ADAMTSL1: variants seen among roughly 807,000 people sequenced by gnomAD.
The protein encoded by ADAMTSL1 is ADAMTS-like protein 1.
ADAMTSL1 carries 126 observed loss-of-function variants against 201.8 expected under a neutral mutation model. The ratio of observed to expected loss-of-function variants is 0.62; its 90% CI spans 0.54 to 0.72. The LOEUF (loss-of-function observed/expected upper bound fraction) is 0.72, where lower values mean the gene tolerates loss of function less well. Among genes scored for constraint, ADAMTSL1 ranks in the 30% least tolerant of loss-of-function variants. The pLI, the probability that ADAMTSL1 is intolerant of heterozygous loss-of-function variation, is 0.00. For synonymous variants in ADAMTSL1, 1,121 were observed against 903.4 expected (o/e 1.24, Z -4.32); for missense variants, 2,679 against 2,277.8 (o/e 1.18, Z -3.59).
intron 1 of ADAMTSL1, among the ~76,000 whole-genome samples, chr9:17,992,428 C>A (rs552838918): frequency 6.6e-6 from 1 of 152,226 alleles, no homozygotes; most frequent in South Asian, 2.1e-4. Context: ...TAAAATTTCG[C>A]CAGTGATGGT....
intron 19 of ADAMTSL1, among the ~76,000 whole-genome samples, chr9:18,790,334 TC>T (rs1237465126): frequency 6.6e-6 from 1 of 152,116 alleles, no homozygotes; most frequent in Non-Finnish European, 1.5e-5. Flanking sequence ...TGGGAAGTCT[TC>T]CCCTCCACAA....
intron 21 of ADAMTSL1, among the ~76,000 whole-genome samples, chr9:18,820,677 G>A (rs903504162): frequency 2.6e-5 from 4 of 152,120 alleles, no homozygotes; most frequent in East Asian, 1.9e-4. Context: ...AACTTTTTGC[G>A]TACATGTGCT....
intron 19 of ADAMTSL1, among the ~76,000 whole-genome samples, chr9:18,794,906 T>A (rs1822303996): frequency 2.0e-5 from 3 of 152,154 alleles, no homozygotes; most frequent in African/African-American, 7.2e-5. Flanking sequence ...CCTCCCAAAG[T>A]GCTGGGATTA....
chr9:18,261,127 G>A (rs1831906081), intron 2 of ADAMTSL1, among the ~76,000 whole-genome samples: 1 of 151,356 alleles, frequency 6.6e-6, no homozygotes, highest in African/African-American at 2.4e-5. Flanking sequence ...TGACTAGAAC[G>A]GAAAGTGATA....
At chr9:18,060,527 T>C (rs532577926) in intron 1 of ADAMTSL1, among the ~76,000 whole-genome samples, 2 of 152,180 alleles carry the variant, frequency 1.3e-5, no homozygotes, top group Non-Finnish European at 2.9e-5. Flanking sequence ...ATAAAGCCAG[T>C]TGAGTAAGCT....
intron 2 of ADAMTSL1, among the ~76,000 whole-genome samples, chr9:18,391,991 A>T (rs141831487): frequency 0.043 from 6,452 of 151,314 alleles, 351 homozygotes; most frequent in African/African-American, 0.13. Flanking sequence ...TGCCCAGCGA[A>T]TTTTTGTATT....
At chr9:18,841,091 G>A (rs1156610381) in intron 23 of ADAMTSL1, among the ~76,000 whole-genome samples, 6 of 149,880 alleles carry the variant, frequency 4.0e-5, no homozygotes, top group African/African-American at 1.5e-4. Context: ...GGAGTGGTGA[G>A]AGAGGGCATC....
chr9:18,268,284 A>G (rs1484263363), intron 2 of ADAMTSL1, among the ~76,000 whole-genome samples: 2 of 152,200 alleles, frequency 1.3e-5, no homozygotes, highest in Non-Finnish European at 2.9e-5. Flanking sequence ...ATAGTATGTG[A>G]GCAAAATAAC....
At chr9:18,832,960 A>C (rs1176783589) in intron 23 of ADAMTSL1, among the ~76,000 whole-genome samples, 2 of 152,312 alleles carry the variant, frequency 1.3e-5, no homozygotes, top group Middle Eastern at 3.4e-3. Context: ...GCCATGTGTC[A>C]GAGCTCATTC....
At chr9:18,045,849 T>C (rs1487121706) in intron 1 of ADAMTSL1, among the ~76,000 whole-genome samples, 1 of 152,130 alleles carries the variant, frequency 6.6e-6, no homozygotes, top group Non-Finnish European at 1.5e-5. Context: ...AGTTCCAATA[T>C]ATTAACATTT....
At chr9:18,006,611 T>C (rs911074222) in intron 1 of ADAMTSL1, among the ~76,000 whole-genome samples, 15 of 152,022 alleles carry the variant, frequency 9.9e-5, no homozygotes, top group African/African-American at 3.1e-4. Flanking sequence ...AGACCTTGGA[T>C]ATATCCCATG....
intron 14 of ADAMTSL1, among the ~76,000 whole-genome samples, chr9:18,719,909 A>G (rs375172257): frequency 3.9e-5 from 6 of 152,348 alleles, no homozygotes; most frequent in African/African-American, 1.4e-4. Flanking sequence ...TGATGAAGCA[A>G]TGCAGAAAAT....
chr9:18,175,130 G>T (rs1021030669), intron 2 of ADAMTSL1, among the ~76,000 whole-genome samples: 3 of 152,090 alleles, frequency 2.0e-5, no homozygotes, highest in Non-Finnish European at 4.4e-5. Flanking sequence ...TTGTGTTGTT[G>T]GGTTGAAGCT....
chr9:17,977,350 G>C (rs1818496525), intron 1 of ADAMTSL1, among the ~76,000 whole-genome samples: 1 of 151,876 alleles, frequency 6.6e-6, no homozygotes, highest in South Asian at 2.1e-4. Context: ...AAATTAATTT[G>C]GAAAAATTCA....
intron 2 of ADAMTSL1, among the ~76,000 whole-genome samples, chr9:18,438,479 C>T (rs535723513): frequency 6.6e-6 from 1 of 152,184 alleles, no homozygotes; most frequent in African/African-American, 2.4e-5. Context: ...GATGTTTTTG[C>T]TTTGGTGTCA....
At chr9:18,457,895 GCA>G (rs1229475301) in intron 2 of ADAMTSL1, among the ~76,000 whole-genome samples, 1 of 152,184 alleles carries the variant, frequency 6.6e-6, no homozygotes, top group Non-Finnish European at 1.5e-5. Context: ...TCTAGCTCAT[GCA>G]CAGTCACTGT....
chr9:17,996,487 T>C (rs538815688), intron 1 of ADAMTSL1, among the ~76,000 whole-genome samples: 1 of 152,238 alleles, frequency 6.6e-6, no homozygotes, highest in Admixed American at 6.5e-5. Context: ...GAGGTGAAGA[T>C]TGAACACAGG....
At chr9:18,524,373 A>C (rs1485988688) in intron 2 of ADAMTSL1, among the ~76,000 whole-genome samples, 4 of 152,200 alleles carry the variant, frequency 2.6e-5, no homozygotes, top group Non-Finnish European at 5.9e-5. Flanking sequence ...ATATACAATC[A>C]TGTCATCTGC....
At chr9:18,006,280 T>C (rs1819823280) in intron 1 of ADAMTSL1, among the ~76,000 whole-genome samples, 1 of 151,972 alleles carries the variant, frequency 6.6e-6, no homozygotes, top group African/African-American at 2.4e-5. Context: ...AATTAGGACA[T>C]TCTGTTTTGA....
Sources: allele counts gnomAD v4.1 joint callset (sites outside exome capture counted in the v4.1 genomes callset), GRCh38; gene constraint gnomAD v4.1.1; transcripts MANE v1.5; gene names NCBI Gene and HGNC (gene_info 2026-07-23, HGNC 2026-07-21).